The following MSI2 variants were observed in gnomAD, a reference collection of about 807,000 sequenced individuals.
MSI2 encodes musashi RNA binding protein 2, also known as RNA-binding protein Musashi homolog 2.
MSI2 carries 17 observed loss-of-function variants against 45.6 expected under a neutral mutation model. The observed-to-expected ratio is 0.37, with a 90% confidence interval of 0.26 to 0.56. The LOEUF is 0.56. Ranked by LOEUF, MSI2 falls within the 20% of genes least tolerant of loss-of-function variation. The pLI, the probability that MSI2 is intolerant of heterozygous loss-of-function variation, is 0.77. For synonymous variants in MSI2, 156 were observed against 158.2 expected, an observed-to-expected ratio of 0.99 and a Z score of 0.11; for missense variants, 293 against 444.2, an observed-to-expected ratio of 0.66 and a Z score of 3.06.
At chr17:57,510,797 G>C (rs908272050) in intron 6 of MSI2, among the ~76,000 whole-genome samples, 1 of 152,174 alleles carries the variant, frequency 6.6e-6, no homozygotes, top group African/African-American at 2.4e-5. Context: ...ACACTCATCT[G>C]GAAACACCTT....
chr17:57,310,861 T>C (rs1009703051), intron 5 of MSI2, among the ~76,000 whole-genome samples: 4 of 152,220 alleles, frequency 2.6e-5, no homozygotes, highest in African/African-American at 9.6e-5. Flanking sequence ...CGCCTTGGCA[T>C]CAGATAGACC....
intron 10 of MSI2, among the ~76,000 whole-genome samples, chr17:57,649,205 A>G (rs980208708): frequency 1.3e-5 from 2 of 152,104 alleles, no homozygotes; most frequent in African/African-American, 2.4e-5. Context: ...CGTACACTCA[A>G]TATACAACAC....
At chr17:57,262,404 AG>A (rs1907398189) in intron 5 of MSI2, 2 of 489,168 alleles carry the variant, frequency 4.1e-6, no homozygotes. Flanking sequence ...ACCTGGGGGC[AG>A]GGACAAGTCT....
intron 5 of MSI2, among the ~76,000 whole-genome samples, chr17:57,297,446 A>AT (rs1248930389): frequency 1.3e-5 from 2 of 152,042 alleles, no homozygotes; most frequent in Non-Finnish European, 2.9e-5. Flanking sequence ...AATACATTTG[A>AT]TAAAAAAAAA....
chr17:57,390,049 G>A (rs141282165), intron 5 of MSI2, among the ~76,000 whole-genome samples: 500 of 145,700 alleles, frequency 3.4e-3, no homozygotes, highest in Non-Finnish European at 5.5e-3. Context: ...ACCAGCCTGC[G>A]TAACATAGCC....
chr17:57,549,167 G>A (rs769534368), intron 7 of MSI2, among the ~76,000 whole-genome samples: 16 of 152,188 alleles, frequency 1.1e-4, no homozygotes, highest in Non-Finnish European at 1.9e-4. Flanking sequence ...GAGCCGCCGG[G>A]CGCCGGCCGA....
Position 57,529,587 on chromosome 17 carries a change from C to G in MSI2, c.406-89C>G. The stretch of plus-strand genomic sequence containing the variant: ...GCAACTATTACTTCTGTAATGGAAA[C>G]TACCCCCTCACCCCCCGACATGCAT... On this transcript the variant is annotated intron_variant, in intron 6 of 13. Coordinates refer to ENST00000284073, the MANE Select transcript of MSI2 (RefSeq NM_138962.4). This position sits in a 1 kb window ranked among gnomAD's most constrained non-coding sequence, Gnocchi z 5.3. 3 of 1,192,916 alleles carry G rather than the reference C, an allele frequency of 2.5e-6. No individual in the cohort carries two copies. Among genetic ancestry groups the G allele is most frequent in the African/African-American group, 3.1e-5 (2 of 64,972 alleles). 73.9% of individuals were successfully genotyped at this position (1,192,916 alleles called of 1,614,324 possible). A position where few individuals can be genotyped will look rare whatever the true frequency, so the allele number is the denominator to read the frequency against.
intron 5 of MSI2, among the ~76,000 whole-genome samples, chr17:57,347,375 TA>T (rs1315247442): frequency 6.6e-6 from 1 of 152,238 alleles, no homozygotes; most frequent in East Asian, 1.9e-4. Context: ...GCCGTTATTT[TA>T]AAATAATGAG....
intron 5 of MSI2, among the ~76,000 whole-genome samples, chr17:57,370,191 T>A (rs766134853): frequency 1.5e-4 from 23 of 152,208 alleles, no homozygotes; most frequent in Non-Finnish European, 3.1e-4. Flanking sequence ...GGAATCTGTG[T>A]GTTCTTTCCT....
At position 57,407,915 on chromosome 17, in the gene MSI2, C is replaced by T. The variant is rs745306276; in HGVS notation, c.405+6444C>T. Among the ~76,000 whole-genome samples the T allele has an allele frequency of 3.3e-5, 5 of 152,106 alleles. No individual in the cohort carries two copies. The highest frequency in any genetic ancestry group is 7.4e-5 in the Non-Finnish European group (5 of 67,990). On this transcript the variant is annotated intron_variant, in intron 6 of 13. Transcript: ENST00000284073. This position sits in a 1 kb window ranked among gnomAD's most constrained non-coding sequence, Gnocchi z 4.1. ...GGGGACTTTATTTGCCCCCTGACCC[C>T]TGGCCAAGCTGCTCAGTGGGAAACA...
At chr17:57,353,255 G>T (rs568101953) in intron 5 of MSI2, among the ~76,000 whole-genome samples, 3 of 152,190 alleles carry the variant, frequency 2.0e-5, no homozygotes, top group Non-Finnish European at 4.4e-5. Flanking sequence ...GACCAAATGG[G>T]AGTGGGTTTT....
At chr17:57,256,991 TCTCG>T (rs562064335) in intron 1 of MSI2, 103 bp from the exon 2 acceptor site, 70 of 1,535,262 alleles carry the variant, frequency 4.6e-5, no homozygotes, top group Non-Finnish European at 5.0e-5. Flanking sequence ...ACCTCCCGGC[TCTCG>T]CTCGCTCGCT....
intron 7 of MSI2, among the ~76,000 whole-genome samples, chr17:57,570,776 C>T (rs1335620062): frequency 6.6e-6 from 1 of 152,210 alleles, no homozygotes; most frequent in Non-Finnish European, 1.5e-5. Flanking sequence ...TTCACAGGGT[C>T]GCCAGAGTCT....
chr17:57,474,704 TTTTTTGTTTTTG>T (rs140056381), intron 6 of MSI2, among the ~76,000 whole-genome samples: 12 of 149,202 alleles, frequency 8.0e-5, no homozygotes, highest in Admixed American at 2.7e-4. Flanking sequence ...TTTTTGTTGT[TTTTTTGTTTTTG>T]TTTTTGTTTT....
chr17:57,346,628 T>C (rs1057423656), intron 5 of MSI2, among the ~76,000 whole-genome samples: 1 of 152,196 alleles, frequency 6.6e-6, no homozygotes, highest in African/African-American at 2.4e-5. Flanking sequence ...TTTCTTTTTT[T>C]TAGACAGGGT....
At chr17:57,488,931 A>G (rs187071946) in intron 6 of MSI2, among the ~76,000 whole-genome samples, 46 of 152,284 alleles carry the variant, frequency 3.0e-4, no homozygotes, top group Middle Eastern at 3.4e-3. Context: ...GAGAGCTCCA[A>G]AGTGCCCTTC....
chr17:57,659,766 G>T (rs1567964636), intron 11 of MSI2, among the ~76,000 whole-genome samples: 2 of 152,144 alleles, frequency 1.3e-5, no homozygotes, highest in Non-Finnish European at 2.9e-5. Flanking sequence ...CCCATGTAGG[G>T]ACAGCCCAAG....
intron 11 of MSI2, among the ~76,000 whole-genome samples, chr17:57,658,908 C>T (rs961651998): frequency 3.3e-5 from 5 of 152,186 alleles, no homozygotes; most frequent in African/African-American, 4.8e-5. Context: ...GAGACCCGCT[C>T]CTTGCACCCT....
rs566738392 is a variant in MSI2 at position 57,490,374 on chromosome 17, A to G, written c.406-39302A>G. Among the ~76,000 whole-genome samples, 3 of 152,346 alleles carry G rather than the reference A, an allele frequency of 2.0e-5. No individual in the cohort carries two copies. In the South Asian group the frequency reaches 6.2e-4, roughly 32 times the overall value. On this transcript the variant is annotated intron_variant, in intron 6 of 13. Coordinates refer to ENST00000284073, the MANE Select transcript of MSI2 (RefSeq NM_138962.4). ...GTCTTGAAGTGGCTACAGTGCCAAA[A>G]GGCTTGTTCTTGGCAGGTACCATAT... is the stretch of plus-strand genomic sequence containing the variant.
Sources: gnomAD v4.1 joint callset for allele counts (sites outside exome capture counted in the v4.1 genomes callset) on GRCh38, gnomAD v4.1.1 for gene constraint, Gnocchi (gnomAD v3.1) non-coding constraint, MANE v1.5 for transcripts, NCBI Gene and HGNC (gene_info 2026-07-23, HGNC 2026-07-21) for gene names.